The following NRG3 variants were observed in gnomAD, a reference collection of about 807,000 sequenced individuals.
NRG3 encodes the protein neuregulin 3, also known as pro-neuregulin-3, membrane-bound isoform.
A neutral mutation model predicts 66.9 loss-of-function variants in NRG3; 31 were observed. The observed-to-expected ratio is 0.46, with a 90% confidence interval of 0.35 to 0.63. NRG3 has a LOEUF of 0.63. Ranked by LOEUF, NRG3 falls within the 20% of genes least tolerant of loss-of-function variation. NRG3 has a pLI of 0.00. For synonymous variants in NRG3, 393 were observed against 359.4 expected, an observed-to-expected ratio of 1.09 and a Z score of -1.06; for missense variants, 910 against 878.9, an observed-to-expected ratio of 1.04 and a Z score of -0.45.
At chr10:82,643,904 CCACA>C (rs3040199) in intron 2 of NRG3, among the ~76,000 whole-genome samples, 102,001 of 149,912 alleles carry the variant, frequency 0.68, 35,169 homozygotes, top group East Asian at 0.84. Flanking sequence ...ACACACACAC[CCACA>C]CACACACACA....
intron 1 of NRG3, among the ~76,000 whole-genome samples, chr10:82,240,847 A>G (rs2076975665): frequency 6.6e-6 from 1 of 152,050 alleles, no homozygotes; most frequent in African/African-American, 2.4e-5. Flanking sequence ...CAGTGCTCCA[A>G]TTTTGTGGAG....
chr10:82,968,010 T>C (rs376337706), intron 6 of NRG3, among the ~76,000 whole-genome samples: 7 of 152,248 alleles, frequency 4.6e-5, no homozygotes, highest in African/African-American at 1.2e-4. Context: ...TCTTAGCCAT[T>C]ATTCTCTGTA....
chr10:82,662,176 T>C (rs1488816444), intron 2 of NRG3, among the ~76,000 whole-genome samples: 1 of 152,186 alleles, frequency 6.6e-6, no homozygotes, highest in Non-Finnish European at 1.5e-5. Flanking sequence ...TTTCTTTTCT[T>C]TCATATCTTT....
intron 1 of NRG3, among the ~76,000 whole-genome samples, chr10:81,951,568 T>C (rs1280438645): frequency 6.6e-6 from 1 of 152,160 alleles, no homozygotes; most frequent in African/African-American, 2.4e-5. Flanking sequence ...TGGATTGGAA[T>C]TATTTTATTC....
At chr10:82,801,965 T>C (rs2061059152) in intron 3 of NRG3, among the ~76,000 whole-genome samples, 6 of 152,208 alleles carry the variant, frequency 3.9e-5, no homozygotes, top group Admixed American at 3.9e-4. Flanking sequence ...TTTGACCAGT[T>C]TTCATTTTAG....
chr10:81,922,485 T>G (rs1022630639), intron 1 of NRG3, among the ~76,000 whole-genome samples: 1 of 152,222 alleles, frequency 6.6e-6, no homozygotes, highest in Non-Finnish European at 1.5e-5. Flanking sequence ...ATTTAGCTCC[T>G]ACTTATAGTG....
chr10:82,940,991 A>T (rs995513580), intron 4 of NRG3, among the ~76,000 whole-genome samples: 1 of 152,148 alleles, frequency 6.6e-6, no homozygotes, highest in Non-Finnish European at 1.5e-5. Flanking sequence ...AATTCAATCC[A>T]TAACAGTGGG....
At chr10:82,385,896 G>A (rs1195430523) in intron 2 of NRG3, among the ~76,000 whole-genome samples, 2 of 152,076 alleles carry the variant, frequency 1.3e-5, no homozygotes, top group Admixed American at 1.3e-4. Flanking sequence ...TTTTCATGTT[G>A]TCTTAAAGTG....
intron 2 of NRG3, among the ~76,000 whole-genome samples, chr10:82,452,133 T>C (rs1334740956): frequency 1.3e-5 from 2 of 152,246 alleles, no homozygotes; most frequent in Non-Finnish European, 2.9e-5. Flanking sequence ...ACCCTATTTA[T>C]GGCACAGCCA....
chr10:82,493,984 C>T (rs946699103), intron 2 of NRG3, among the ~76,000 whole-genome samples: 3 of 152,056 alleles, frequency 2.0e-5, no homozygotes, highest in African/African-American at 7.2e-5. Context: ...AAACATATGA[C>T]AAAAAGTTCA....
At chr10:82,878,090 G>T (rs1334939741) in intron 4 of NRG3, among the ~76,000 whole-genome samples, 2 of 151,968 alleles carry the variant, frequency 1.3e-5, no homozygotes, top group Non-Finnish European at 1.5e-5. Flanking sequence ...TTAAGTGAAA[G>T]AATAAAAAAT....
chr10:82,575,453 A>C (rs1315992840), intron 2 of NRG3, among the ~76,000 whole-genome samples: 4 of 151,808 alleles, frequency 2.6e-5, no homozygotes, highest in Non-Finnish European at 4.4e-5. Flanking sequence ...AATGGCAAAC[A>C]ATGTGTGAAG....
chr10:82,873,868 A>G (rs1841568421), intron 4 of NRG3, among the ~76,000 whole-genome samples: 1 of 152,166 alleles, frequency 6.6e-6, no homozygotes, highest in South Asian at 2.1e-4. Flanking sequence ...GGATAGCATA[A>G]TATATTTATG....
chr10:81,947,241 C>T (rs898167355), intron 1 of NRG3, among the ~76,000 whole-genome samples: 1 of 152,068 alleles, frequency 6.6e-6, no homozygotes, highest in African/African-American at 2.4e-5. Flanking sequence ...TCCAAATTTC[C>T]CCTTTTCATA....
At chr10:82,268,292 G>A (rs2078410824) in intron 1 of NRG3, among the ~76,000 whole-genome samples, 1 of 152,104 alleles carries the variant, frequency 6.6e-6, no homozygotes, top group South Asian at 2.1e-4. Context: ...GAGGCTTCAA[G>A]TTACTGAATA....
At chr10:82,546,976 A>G (rs2043958006) in intron 2 of NRG3, among the ~76,000 whole-genome samples, 1 of 152,154 alleles carries the variant, frequency 6.6e-6, no homozygotes. Flanking sequence ...AGAAGGAGGG[A>G]AGAAGACAAC....
intron 3 of NRG3, among the ~76,000 whole-genome samples, chr10:82,783,005 C>G (rs922026129): frequency 6.6e-6 from 1 of 152,064 alleles, no homozygotes. Flanking sequence ...AAAAACTTAC[C>G]CACCATGATC....
intron 2 of NRG3, among the ~76,000 whole-genome samples, chr10:82,709,538 T>A (rs568612038): frequency 6.6e-6 from 1 of 152,142 alleles, no homozygotes; most frequent in Non-Finnish European, 1.5e-5. Flanking sequence ...TGCGCCACCA[T>A]CCCCAGCTGA....
chr10:82,484,962 G>T (rs935770920), intron 2 of NRG3, among the ~76,000 whole-genome samples: 1 of 152,152 alleles, frequency 6.6e-6, no homozygotes, highest in African/African-American at 2.4e-5. Context: ...ACTTTTTAGT[G>T]TTAACCATCT....
Sources: gnomAD v4.1 joint callset for allele counts (sites outside exome capture counted in the v4.1 genomes callset) on GRCh38, gnomAD v4.1.1 for gene constraint, MANE v1.5 for transcripts, NCBI Gene and HGNC (gene_info 2026-07-23, HGNC 2026-07-21) for gene names.